HS6ST3: variants seen among roughly 807,000 people sequenced by gnomAD.
HS6ST3 encodes the protein heparan-sulfate 6-O-sulfotransferase 3.
Under a neutral mutation model 36.7 loss-of-function variants are expected in HS6ST3, and 12 were observed. The ratio of observed to expected loss-of-function variants is 0.33; its 90% CI spans 0.21 to 0.53. The LOEUF (loss-of-function observed/expected upper bound fraction) is 0.53. Ranked by LOEUF, HS6ST3 falls within the 20% of genes least tolerant of loss-of-function variation. The probability of loss-of-function intolerance (pLI) is 0.95; values close to 1 mark genes in which losing one functional copy is unlikely to be tolerated. For missense variants in HS6ST3, 584 were observed against 640.9 expected, an observed-to-expected ratio of 0.91 and a Z score of 0.96; for synonymous variants, 240 against 257.5, an observed-to-expected ratio of 0.93 and a Z score of 0.65.
intron 1 of HS6ST3, among the ~76,000 whole-genome samples, chr13:96,673,727 C>A (rs1468189733): frequency 6.6e-6 from 1 of 152,026 alleles, no homozygotes; most frequent in African/African-American, 2.4e-5. Flanking sequence ...GATATTTCTT[C>A]AATTTATCTC....
At chr13:96,752,974 T>C (rs1037067600) in intron 1 of HS6ST3, among the ~76,000 whole-genome samples, 2 of 152,196 alleles carry the variant, frequency 1.3e-5, no homozygotes, top group African/African-American at 4.8e-5. Flanking sequence ...TCAAATATTG[T>C]TTCCCCCACA....
At chr13:96,098,758 A>G (rs1033586185) in intron 1 of HS6ST3, among the ~76,000 whole-genome samples, 3 of 152,222 alleles carry the variant, frequency 2.0e-5, no homozygotes, top group African/African-American at 7.2e-5. Flanking sequence ...GGTTAAGTCA[A>G]TTATCTGCTC....
chr13:96,163,853 G>A (rs894494412), intron 1 of HS6ST3, among the ~76,000 whole-genome samples: 7 of 152,150 alleles, frequency 4.6e-5, no homozygotes, highest in Non-Finnish European at 1.0e-4. Flanking sequence ...ATTCCAAAGT[G>A]CAGTTGCTAG....
intron 1 of HS6ST3, among the ~76,000 whole-genome samples, chr13:96,686,165 G>T (rs946374515): frequency 1.3e-5 from 2 of 151,818 alleles, no homozygotes; most frequent in African/African-American, 2.4e-5. Context: ...CCAATTCAGG[G>T]TCTCATTTTC....
intron 1 of HS6ST3, among the ~76,000 whole-genome samples, chr13:96,202,972 C>T (rs963404779): frequency 2.0e-5 from 3 of 152,252 alleles, no homozygotes; most frequent in South Asian, 4.1e-4. Flanking sequence ...AGGCCTCTTC[C>T]CATTCTTTCA....
At chr13:96,731,354 G>T (rs893341760) in intron 1 of HS6ST3, among the ~76,000 whole-genome samples, 6 of 151,974 alleles carry the variant, frequency 3.9e-5, no homozygotes, top group African/African-American at 1.4e-4. Context: ...TCTGTGCCTG[G>T]TTTATTTTTG....
intron 1 of HS6ST3, among the ~76,000 whole-genome samples, chr13:96,432,883 G>T (rs2055622355): frequency 6.6e-6 from 1 of 152,092 alleles, no homozygotes; most frequent in Non-Finnish European, 1.5e-5. Flanking sequence ...AAACCATAAA[G>T]ACAATTACTG....
intron 1 of HS6ST3, among the ~76,000 whole-genome samples, chr13:96,544,134 G>A (rs1489315429): frequency 2.0e-5 from 3 of 152,014 alleles, no homozygotes; most frequent in Non-Finnish European, 2.9e-5. Context: ...AACCAGGGAC[G>A]ATATATTCTC....
chr13:96,819,935 G>T (rs1213205276), intron 1 of HS6ST3, among the ~76,000 whole-genome samples: 5 of 152,030 alleles, frequency 3.3e-5, no homozygotes, highest in Non-Finnish European at 7.4e-5. Flanking sequence ...AATTAGCCAG[G>T]CATGGTGGCA....
intron 1 of HS6ST3, among the ~76,000 whole-genome samples, chr13:96,307,892 C>T (rs9556554): frequency 0.36 from 54,446 of 151,798 alleles, 10,057 homozygotes; most frequent in African/African-American, 0.42. Context: ...AAAAAGAAAA[C>T]GGTTTTGACT....
chr13:96,254,484 TATATATATATATATAC>T lies in HS6ST3; in HGVS notation c.707+162917_707+162932del, dbSNP rs1454024332. The stretch of plus-strand genomic sequence containing the variant: ...ATATATATATATATATATATATATA[TATATATATATATATAC>T]ACATACATACACACACACACTTTTT... On this transcript the variant is annotated intron_variant, in intron 1 of 1. Transcript: ENST00000376705. 2.2e-3 allele frequency among the ~76,000 whole-genome samples: 40 copies of T among 18,600 alleles called. 1 individual carries two copies. The highest frequency in any genetic ancestry group is 8.1e-3 in the African/African-American group (37 of 4,572). 12.2% of individuals were successfully genotyped at this position (18,600 alleles called of 152,430 possible).
chr13:96,393,267 A>G (rs2055405142), intron 1 of HS6ST3, among the ~76,000 whole-genome samples: 1 of 152,074 alleles, frequency 6.6e-6, no homozygotes, highest in South Asian at 2.1e-4. Flanking sequence ...AGACTAATAC[A>G]CTGGGCTTGC....
intron 1 of HS6ST3, among the ~76,000 whole-genome samples, chr13:96,697,053 A>G (rs898609452): frequency 1.2e-4 from 18 of 152,168 alleles, no homozygotes; most frequent in African/African-American, 3.6e-4. Flanking sequence ...TATAATAACT[A>G]TAACTATTAT....
At chr13:96,121,101 A>C (rs531509037) in intron 1 of HS6ST3, among the ~76,000 whole-genome samples, 4 of 152,180 alleles carry the variant, frequency 2.6e-5, no homozygotes, top group Non-Finnish European at 5.9e-5. Flanking sequence ...ACTTAAGTTT[A>C]TTTGCATACC....
intron 1 of HS6ST3, among the ~76,000 whole-genome samples, chr13:96,677,791 C>G (rs1259436414): frequency 6.6e-6 from 1 of 152,068 alleles, no homozygotes; most frequent in Non-Finnish European, 1.5e-5. Flanking sequence ...TTGCATCATC[C>G]TAGACTCAAA....
chr13:96,094,013 T>G (rs985512728), intron 1 of HS6ST3, among the ~76,000 whole-genome samples: 1 of 152,062 alleles, frequency 6.6e-6, no homozygotes, highest in Non-Finnish European at 1.5e-5. Flanking sequence ...CTGCTTTTGG[T>G]CCCCCCAAAG....
At chr13:96,725,913 T>C (rs1429897153) in intron 1 of HS6ST3, among the ~76,000 whole-genome samples, 2 of 152,188 alleles carry the variant, frequency 1.3e-5, no homozygotes, top group African/African-American at 4.8e-5. Context: ...CTCAGCTCAC[T>C]GCAACCTGCA....
chr13:96,831,975 A>AAC lies in HS6ST3; in HGVS notation c.708-514_708-513insCA, dbSNP rs1423233019. ...CTCTCAAAAAAAAAAAAAAAAAAAA[A>AAC]AAAAACAGAGATTAAGGAGAATACA... On this transcript the variant is annotated intron_variant, in intron 1 of 1. Transcript: ENST00000376705. Among the ~76,000 whole-genome samples, 12 of 148,538 alleles carry AAC rather than the reference A, an allele frequency of 8.1e-5. 1 individual carries two copies. The highest frequency in any genetic ancestry group is 3.0e-4 in the African/African-American group (12 of 39,506).
At chr13:96,274,839 T>TCACACACACACACACA (rs60430769) in intron 1 of HS6ST3, among the ~76,000 whole-genome samples, 8 of 126,094 alleles carry the variant, frequency 6.3e-5, no homozygotes, top group Non-Finnish European at 5.0e-5. Context: ...ACTTAGTCCT[T>TCACACACACACACACA]CACACACACA....
Sources: gnomAD v4.1 joint callset for allele counts (sites outside exome capture counted in the v4.1 genomes callset) on GRCh38, gnomAD v4.1.1 for gene constraint, MANE v1.5 for transcripts, NCBI Gene and HGNC (gene_info 2026-07-23, HGNC 2026-07-21) for gene names.